POC1B: variants seen among roughly 807,000 people sequenced by gnomAD.
POC1B encodes the protein POC1 centriolar protein homolog B.
Under a neutral mutation model 60.6 loss-of-function variants are expected in POC1B, and 44 were observed. The ratio of observed to expected loss-of-function variants is 0.73; its 90% CI spans 0.57 to 0.93. The LOEUF is 0.93. Among genes scored for constraint, POC1B ranks in the 40% least tolerant of loss-of-function variants. The pLI is 0.00. For synonymous variants in POC1B, 180 were observed against 198.9 expected (o/e 0.90, Z 0.80); for missense variants, 555 against 572.3 (o/e 0.97, Z 0.31).
At chr12:89,431,402 T>C (rs1881023276) in intron 10 of POC1B, among the ~76,000 whole-genome samples, 1 of 151,946 alleles carries the variant, frequency 6.6e-6, no homozygotes, top group African/African-American at 2.4e-5. Flanking sequence ...AAAGCCCTTT[T>C]TATTCCTGAT....
chr12:89,423,186 C>T (rs1880614758), intron 11 of POC1B, among the ~76,000 whole-genome samples: 1 of 151,994 alleles, frequency 6.6e-6, no homozygotes. Context: ...CTTGTTGTTG[C>T]TGTTGTTGTT....
rs144073347 is a variant in POC1B, at chr12:89,507,169, G to C, written c.101-9827C>G. On this transcript the variant is annotated intron_variant, in intron 2 of 11. Coordinates refer to ENST00000313546, the MANE Select transcript of POC1B (RefSeq NM_172240.3). ...GCACCTGTATTCCCAGCTACTCTGTGGGGGTGGGGGAGGCTGAGGTGGGAG... is the reference window on the plus strand; with the variant it reads ...GCACCTGTATTCCCAGCTACTCTGTCGGGGTGGGGGAGGCTGAGGTGGGAG... 2.9e-3 allele frequency among the ~76,000 whole-genome samples: 437 copies of C among 151,084 alleles called. 4 individuals are homozygous for C. Among genetic ancestry groups the C allele is most frequent in the East Asian group, 0.011 (58 of 5,118 alleles).
intron 9 of POC1B, 43 bp from the exon 10 acceptor site, chr12:89,459,761 T>A (rs753910806): frequency 2.6e-6 from 3 of 1,148,280 alleles, no homozygotes; most frequent in South Asian, 1.9e-5. Flanking sequence ...TTTCATACCA[T>A]AAGAAACCAA....
At chr12:89,520,914 C>G (rs969955097) in intron 2 of POC1B, 1 of 151,992 alleles carries the variant, frequency 6.6e-6, no homozygotes, top group South Asian at 2.1e-4. Context: ...TTAAAAAAAG[C>G]GTTTACTTCC....
At chr12:89,452,418 CT>C (rs984054771) in intron 10 of POC1B, among the ~76,000 whole-genome samples, 5 of 149,306 alleles carry the variant, frequency 3.3e-5, no homozygotes, top group African/African-American at 1.2e-4. Context: ...TTTTTTTTTT[CT>C]GTCTTCACAT....
At chr12:89,426,414 TACC>T (rs1880766618) in intron 10 of POC1B, 1 of 152,230 alleles carries the variant, frequency 6.6e-6, no homozygotes, top group Non-Finnish European at 1.5e-5. Flanking sequence ...ATGTATATGT[TACC>T]ACAAGAGAAA....
At chr12:89,487,496 G>A (rs1332176073) in intron 4 of POC1B, among the ~76,000 whole-genome samples, 2 of 152,138 alleles carry the variant, frequency 1.3e-5, no homozygotes, top group African/African-American at 2.4e-5. Flanking sequence ...CCCAAACACC[G>A]TCAACTGGTA....
At chr12:89,489,856 T>C (rs1326539976) in intron 4 of POC1B, among the ~76,000 whole-genome samples, 2 of 152,212 alleles carry the variant, frequency 1.3e-5, no homozygotes, top group Non-Finnish European at 1.5e-5. Flanking sequence ...TCAGGGTAAC[T>C]GGTTTCAGCC....
rs115020170 is a variant in POC1B, at chr12:89,467,947, G to T, written c.811-262C>A. 5.1e-3 allele frequency among the ~76,000 whole-genome samples: 783 copies of T among 152,150 alleles called. 10 individuals carry two copies. Among genetic ancestry groups the T allele is most frequent in the African/African-American group, 0.018 (734 of 41,520 alleles). On this transcript the variant is annotated intron_variant, in intron 7 of 11. Transcript: ENST00000313546. The stretch of plus-strand genomic sequence containing the variant: ...AAAAATAACTTTTTTCTCCTTTCAA[G>T]AAAAGCTTTTACATATGTAAGTTCA...
the POC1B span, among the ~76,000 whole-genome samples, chr12:89,404,229 G>A: frequency 1.3e-5 from 2 of 152,076 alleles, no homozygotes; most frequent in African/African-American, 4.8e-5. Context: ...GGCTGAGTAG[G>A]TGGGTCTGCT....
chr12:89,434,956 A>G (rs947720833), intron 10 of POC1B, among the ~76,000 whole-genome samples: 1 of 152,114 alleles, frequency 6.6e-6, no homozygotes. Flanking sequence ...TATTTTTTCT[A>G]AAAAAACTTA....
chr12:89,418,247 C>A (rs1370682475), downstream of POC1B, among the ~76,000 whole-genome samples: 1 of 152,154 alleles, frequency 6.6e-6, no homozygotes, highest in Non-Finnish European at 1.5e-5. Context: ...TGTACAGATG[C>A]CCTCAGGAGG....
At chr12:89,422,338 T>C (rs1355951180) in intron 11 of POC1B, among the ~76,000 whole-genome samples, 2 of 152,208 alleles carry the variant, frequency 1.3e-5, no homozygotes, top group Non-Finnish European at 2.9e-5. Flanking sequence ...TTCTTTCGCA[T>C]GTCAAGAATT....
chr12:89,513,005 G>A (rs945674628), intron 2 of POC1B, among the ~76,000 whole-genome samples: 5 of 152,078 alleles, frequency 3.3e-5, no homozygotes, highest in African/African-American at 7.2e-5. Context: ...TAAAAAAGAC[G>A]TTATTTCTAG....
intron 4 of POC1B, among the ~76,000 whole-genome samples, chr12:89,483,675 T>G (rs557378870): frequency 2.0e-4 from 30 of 152,256 alleles, no homozygotes; most frequent in African/African-American, 6.7e-4. Flanking sequence ...GTAAATGACA[T>G]CATTAAAGCA....
At chr12:89,478,749 C>A (rs954497743) in intron 4 of POC1B, among the ~76,000 whole-genome samples, 24 of 152,098 alleles carry the variant, frequency 1.6e-4, no homozygotes, top group African/African-American at 4.3e-4. Context: ...CACAATTTCA[C>A]AAAATCTTTT....
intron 10 of POC1B, among the ~76,000 whole-genome samples, chr12:89,459,361 G>C (rs1300629011): frequency 1.4e-5 from 2 of 138,984 alleles, no homozygotes; most frequent in African/African-American, 5.4e-5. Flanking sequence ...GTATACATAT[G>C]TAACTAACCT....
chr12:89,467,700 G>A lies in POC1B; in HGVS notation c.811-15C>T. On this transcript the variant is annotated splice_polypyrimidine_tract_variant and intron_variant, in intron 7 of 11. Transcript: ENST00000313546. ...AAGACAGGTCCCTGAGAAATAAAGG[G>A]AAATAAAGAAAAAAAGTACTTGGTA... The A allele has an allele frequency of 6.3e-7, 1 of 1,589,792 alleles. No individual in the cohort carries two copies. Among genetic ancestry groups the A allele is most frequent in the Non-Finnish European group, 8.6e-7 (1 of 1,161,714 alleles).
the POC1B span, among the ~76,000 whole-genome samples, chr12:89,407,113 A>C: frequency 0.62 from 85,458 of 138,918 alleles, 26,790 homozygotes; most frequent in Admixed American, 0.67. Context: ...CATGCCACTG[A>C]ACTCCAGCCT....
Sources: allele counts gnomAD v4.1 joint callset (sites outside exome capture counted in the v4.1 genomes callset), GRCh38; gene constraint gnomAD v4.1.1; transcripts MANE v1.5; gene names NCBI Gene and HGNC (gene_info 2026-07-23, HGNC 2026-07-21).